Variants in LINGO2 observed in about 807,000 individuals in gnomAD.
LINGO2 encodes the protein leucine-rich repeat and immunoglobulin-like domain-containing nogo receptor-interacting protein 2.
In LINGO2, 14 loss-of-function variants were observed where a neutral mutation model predicts 30.6. The observed-to-expected ratio is 0.46, with a 90% CI of 0.30 to 0.72. The LOEUF (loss-of-function observed/expected upper bound fraction) is 0.72. LINGO2 is among the 30% of genes least tolerant of loss of function. LINGO2 has a pLI of 0.07. For synonymous variants in LINGO2, 317 were observed against 288.5 expected, an observed-to-expected ratio of 1.10 and a Z score of -1.00; for missense variants, 729 against 751.7, an observed-to-expected ratio of 0.97 and a Z score of 0.35.
intron 1 of LINGO2, among the ~76,000 whole-genome samples, chr9:28,664,051 T>A (rs529202520): frequency 1.3e-5 from 2 of 152,328 alleles, no homozygotes; most frequent in South Asian, 4.1e-4. Context: ...AGAAATTAAA[T>A]ATTTATATCG....
chr9:28,480,379 A>G (rs955110687), intron 1 of LINGO2, among the ~76,000 whole-genome samples: 2 of 152,044 alleles, frequency 1.3e-5, no homozygotes, highest in Admixed American at 6.6e-5. Flanking sequence ...ATTATGTTTG[A>G]AAGCCAGTTA....
At chr9:28,718,897 C>T in the LINGO2 span, among the ~76,000 whole-genome samples, 5 of 151,916 alleles carry the variant, frequency 3.3e-5, no homozygotes, top group Admixed American at 6.6e-5. Flanking sequence ...TATGATCTGC[C>T]CCCTTCTTCT....
intron 4 of LINGO2, among the ~76,000 whole-genome samples, chr9:28,179,335 T>TAC (rs1157606202): frequency 1.1e-5 from 1 of 93,132 alleles, no homozygotes; most frequent in African/African-American, 3.7e-5. Context: ...TATGTATATA[T>TAC]ATACTATACT....
intron 4 of LINGO2, among the ~76,000 whole-genome samples, chr9:28,079,372 C>T (rs780996812): frequency 3.9e-5 from 6 of 152,110 alleles, no homozygotes; most frequent in Non-Finnish European, 8.8e-5. Flanking sequence ...TTGGTGAACA[C>T]GAGTTAACCA....
the LINGO2 span, among the ~76,000 whole-genome samples, chr9:29,189,435 G>A: frequency 2.7e-5 from 4 of 150,020 alleles, no homozygotes; most frequent in African/African-American, 9.8e-5. Flanking sequence ...GGGCAGAGAC[G>A]CTCCTCACCT....
chr9:28,348,072 G>C (rs910730572), intron 3 of LINGO2, among the ~76,000 whole-genome samples: 5 of 152,144 alleles, frequency 3.3e-5, no homozygotes, highest in Non-Finnish European at 5.9e-5. Context: ...TGTAGGTATA[G>C]TGAATATAAG....
intron 4 of LINGO2, among the ~76,000 whole-genome samples, chr9:28,277,168 A>T (rs1307232042): frequency 6.6e-6 from 1 of 152,136 alleles, no homozygotes; most frequent in Non-Finnish European, 1.5e-5. Flanking sequence ...ATGCCCTTGC[A>T]TTGTGTCTCT....
chr9:29,029,195 G>T, the LINGO2 span, among the ~76,000 whole-genome samples: 8 of 152,084 alleles, frequency 5.3e-5, no homozygotes, highest in African/African-American at 1.9e-4. Flanking sequence ...ATAGTGTGGT[G>T]CAGGGATTAA....
chr9:29,030,566 G>A, the LINGO2 span, among the ~76,000 whole-genome samples: 3 of 152,166 alleles, frequency 2.0e-5, no homozygotes, highest in African/African-American at 7.2e-5. Flanking sequence ...CTTTTGAAGA[G>A]TACTTCCTCT....
At chr9:28,625,343 G>C (rs1468566845) in intron 1 of LINGO2, among the ~76,000 whole-genome samples, 2 of 152,148 alleles carry the variant, frequency 1.3e-5, no homozygotes, top group African/African-American at 4.8e-5. Context: ...AAGCCATGTG[G>C]CCACTGCCAG....
the LINGO2 span, among the ~76,000 whole-genome samples, chr9:29,066,975 C>A: frequency 2.6e-5 from 4 of 151,712 alleles, no homozygotes; most frequent in African/African-American, 9.7e-5. Context: ...GAAAGGGCAA[C>A]TTATTGTCTA....
At chr9:28,089,935 C>T (rs1346459560) in intron 4 of LINGO2, among the ~76,000 whole-genome samples, 1 of 152,142 alleles carries the variant, frequency 6.6e-6, no homozygotes, top group African/African-American at 2.4e-5. Flanking sequence ...ACTATAAACA[C>T]CTCTATGCAA....
rs1409177000 is a variant in LINGO2, at chr9:28,545,692, C to A, written c.-364-69667G>T. Among the ~76,000 whole-genome samples the A allele has an allele frequency of 5.3e-5, 8 of 151,838 alleles. No individual in the cohort carries two copies. The South Asian group carries it at 1.0e-3, about 20-fold the overall frequency. ...ACTTTTAGTGGTCCTTAGGTGCTAGCCTGGGTATTTGTATTTTATTAGAAT... is the reference window on the plus strand; with the variant it reads ...ACTTTTAGTGGTCCTTAGGTGCTAGACTGGGTATTTGTATTTTATTAGAAT... On this transcript the variant is annotated intron_variant, in intron 1 of 5. Coordinates refer to ENST00000379992, the Ensembl canonical transcript of LINGO2.
At chr9:28,082,573 A>C (rs1395548241) in intron 4 of LINGO2, among the ~76,000 whole-genome samples, 2 of 152,194 alleles carry the variant, frequency 1.3e-5, no homozygotes, top group Non-Finnish European at 2.9e-5. Context: ...GGCAGTAAAC[A>C]AATGGACAAA....
chr9:29,173,463 T>C, the LINGO2 span, among the ~76,000 whole-genome samples: 17 of 152,280 alleles, frequency 1.1e-4, no homozygotes, highest in Middle Eastern at 3.4e-3. Flanking sequence ...CTTACTGCTA[T>C]GTAGGAGCAA....
the LINGO2 span, among the ~76,000 whole-genome samples, chr9:29,081,581 G>A: frequency 6.6e-6 from 1 of 152,076 alleles, no homozygotes; most frequent in South Asian, 2.1e-4. Flanking sequence ...GTTCTGGCTA[G>A]GGGAATCAGG....
At chr9:28,595,679 A>G (rs1825139440) in intron 1 of LINGO2, among the ~76,000 whole-genome samples, 2 of 152,112 alleles carry the variant, frequency 1.3e-5, no homozygotes, top group South Asian at 4.1e-4. Context: ...ATAGAAAACG[A>G]TATAATATAT....
the LINGO2 span, among the ~76,000 whole-genome samples, chr9:29,128,081 T>C: frequency 1.3e-5 from 2 of 152,008 alleles, no homozygotes; most frequent in Non-Finnish European, 2.9e-5. Flanking sequence ...ATAAGGATGA[T>C]ATAAGTCAAG....
chr9:28,052,054 C>T (rs951798027), intron 4 of LINGO2, among the ~76,000 whole-genome samples: 1 of 152,036 alleles, frequency 6.6e-6, no homozygotes, highest in African/African-American at 2.4e-5. Flanking sequence ...GTTCTTATCA[C>T]TTTGATATGC....
Sources: gnomAD v4.1 joint callset for allele counts (sites outside exome capture counted in the v4.1 genomes callset) on GRCh38, gnomAD v4.1.1 for gene constraint, MANE v1.5 for transcripts, NCBI Gene and HGNC (gene_info 2026-07-23, HGNC 2026-07-21) for gene names.